Variants in ITGAV observed in about 807,000 individuals in gnomAD.
ITGAV encodes the protein integrin alpha-V.
In ITGAV, 76 loss-of-function variants were observed where a neutral mutation model predicts 143.8. The ratio of observed to expected loss-of-function variants is 0.53; its 90% confidence interval spans 0.44 to 0.64. The LOEUF (loss-of-function observed/expected upper bound fraction) is 0.64, where lower values mean the gene tolerates loss of function less well. Among genes scored for constraint, ITGAV ranks in the 30% least tolerant of loss-of-function variants. The probability of loss-of-function intolerance (pLI) is 0.00; values close to 1 mark genes in which losing one functional copy is unlikely to be tolerated. For missense variants in ITGAV, 1,193 were observed against 1,274.7 expected (o/e 0.94, Z 0.98); for synonymous variants, 453 against 446.7 (o/e 1.01, Z -0.18).
intron 8 of ITGAV, 60 bp from the exon 9 acceptor site, chr2:186,638,217 G>C: frequency 6.9e-7 from 1 of 1,457,764 alleles, no homozygotes; most frequent in Non-Finnish European, 9.6e-7. Context: ...AGTCACTTCT[G>C]GTCTGCAACT....
intron 15 of ITGAV, among the ~76,000 whole-genome samples, chr2:186,652,904 G>C (rs967528072): frequency 6.9e-6 from 1 of 144,226 alleles, no homozygotes; most frequent in Non-Finnish European, 1.5e-5. Context: ...TGCTACTTCA[G>C]TAATTTTTGC....
intron 12 of ITGAV, among the ~76,000 whole-genome samples, chr2:186,642,691 A>C (rs896792935): frequency 2.2e-5 from 3 of 139,014 alleles, no homozygotes; most frequent in African/African-American, 7.7e-5. Flanking sequence ...CCCACCACCT[A>C]GCCCAGCTTA....
chr2:186,643,892 G>T (rs1365943472), intron 12 of ITGAV, among the ~76,000 whole-genome samples: 1 of 152,196 alleles, frequency 6.6e-6, no homozygotes, highest in Admixed American at 6.5e-5. Context: ...TTATTAAACA[G>T]TCACTCAACG....
At position 186,666,800 on chromosome 2, in the gene ITGAV, T is replaced by C. The variant is rs1307252338; in HGVS notation, c.2246+17T>C. On this transcript the variant is annotated intron_variant, in intron 22 of 29. Transcript: ENST00000261023. ...AATCCAAAGGTATGAAAACAACTTA[T>C]ATTCACTTATAACTATCAAATAAAT... 2 of 1,315,480 alleles carry C rather than the reference T, an allele frequency of 1.5e-6. No homozygotes were observed. Among genetic ancestry groups the C allele is most frequent in the East Asian group, 2.3e-5 (1 of 42,726 alleles). 81.5% of individuals were successfully genotyped at this position (1,315,480 alleles called of 1,614,324 possible).
chr2:186,657,597 A>G (rs1204637935), intron 17 of ITGAV, among the ~76,000 whole-genome samples: 3 of 152,242 alleles, frequency 2.0e-5, no homozygotes, highest in African/African-American at 7.2e-5. Flanking sequence ...AGATAAATGT[A>G]TAGCCTTAAA....
At chr2:186,638,631 CGTGTGTGTGT>C (rs34535817) in intron 10 of ITGAV, among the ~76,000 whole-genome samples, 166 bp downstream of exon 10, 1,634 of 144,786 alleles carry the variant, frequency 0.011, 19 homozygotes, top group African/African-American at 0.031. Context: ...CTCTTTTGAG[CGTGTGTGTGT>C]GTGTGTGTGT....
chr2:186,637,405 AG>A (rs1404011410), intron 8 of ITGAV, among the ~76,000 whole-genome samples: 2 of 150,468 alleles, frequency 1.3e-5, no homozygotes, highest in African/African-American at 4.9e-5. Context: ...TCCAGAGCCC[AG>A]GGAGGTTGAG....
intron 2 of ITGAV, among the ~76,000 whole-genome samples, chr2:186,614,994 G>T (rs927315679): frequency 6.6e-6 from 1 of 151,972 alleles, no homozygotes; most frequent in African/African-American, 2.4e-5. Flanking sequence ...AAAGAAATGT[G>T]TCCAACATCA....
intron 2 of ITGAV, among the ~76,000 whole-genome samples, chr2:186,615,440 G>T (rs912123485): frequency 6.6e-6 from 1 of 152,104 alleles, no homozygotes; most frequent in East Asian, 1.9e-4. Flanking sequence ...GAGGGTTTCA[G>T]TGTCTCCGTA....
Position 186,590,067 on chromosome 2 carries a change from T to A in ITGAV, c.-272T>A, listed in dbSNP as rs1010475785. ...GCGCTCACCCCGGCAGTCCCCAGCC[T>A]CAGACGCTGCGTGGAGCGGCGGAGC... is the stretch of plus-strand genomic sequence containing the variant. On this transcript the variant is annotated 5_prime_UTR_variant, in exon 1 of 30. Coordinates refer to ENST00000261023, the MANE Select transcript of ITGAV (RefSeq NM_002210.5). 2 of 373,286 alleles carry A rather than the reference T, an allele frequency of 5.4e-6. No homozygotes were observed. Among genetic ancestry groups the A allele is most frequent in the Non-Finnish European group, 9.4e-6 (2 of 212,174 alleles). 23.1% of individuals were successfully genotyped at this position (373,286 alleles called of 1,614,324 possible).
rs1313799706 is a variant in ITGAV at position 186,679,700 on chromosome 2, GA to G, written c.*2409del. The G allele has an allele frequency of 6.6e-6, 1 of 151,904 alleles. No homozygotes were observed. Among genetic ancestry groups the G allele is most frequent in the African/African-American group, 2.4e-5 (1 of 41,404 alleles). The allele number at this position is 151,904 out of a possible 1,614,324, so 9.4% of individuals were successfully genotyped here. ...ACATTTGACATTGGTAAGAAATATT[GA>G]TACTGATATTGATTTTTATATAGGT... On this transcript the variant is annotated 3_prime_UTR_variant, in exon 30 of 30. Coordinates refer to ENST00000261023, the MANE Select transcript of ITGAV (RefSeq NM_002210.5).
Position 186,646,691 on chromosome 2 carries a change from G to C in ITGAV, c.1165G>C (p.Ala389Pro). ...DLDQDGFNDI[A>P]IAAPYGGEDK... The stretch of plus-strand genomic sequence containing the variant: ...TCCTCTTTTTTTCCCCACAGATATT[G>C]CAATTGCTGCTCCATATGGGGGTGA... Residue 389 changes from alanine (A) to proline (P), a missense_variant, in exon 13 of 30, where the codon GCA becomes CCA. By Grantham distance (27) the Ala-to-Pro change is conservative. Transcript: ENST00000261023. 1 of 1,550,596 alleles carries C rather than the reference G, an allele frequency of 6.4e-7. No individual in the cohort carries two copies. The highest frequency in any genetic ancestry group is 8.8e-7 in the Non-Finnish European group (1 of 1,138,716).
chr2:186,648,462 A>G (rs980373509), intron 13 of ITGAV, among the ~76,000 whole-genome samples: 4 of 152,126 alleles, frequency 2.6e-5, no homozygotes, highest in African/African-American at 9.7e-5. Context: ...GAAATAAGGC[A>G]TGAGTTTGAT....
intron 1 of ITGAV, among the ~76,000 whole-genome samples, chr2:186,593,461 G>GTT (rs61142253): frequency 2.9e-4 from 43 of 150,662 alleles, no homozygotes; most frequent in South Asian, 6.3e-4. Context: ...TTCGCATTCT[G>GTT]TTTTTTTTTC....
chr2:186,602,075 T>C lies in ITGAV; in HGVS notation c.240T>C (p.Ile80=). ...APKANTTQPG[I]VEGGQVLKCD... ...AAGCAAACACCACCCAGCCTGGGAT[T>C]GTGGAAGGAGGGCAGGTCCTCAAAT... is the stretch of plus-strand genomic sequence containing the variant. The change falls in exon 2 of 30, where the codon ATT becomes ATC. Residue 80 remains isoleucine (I), a synonymous_variant. Transcript: ENST00000261023. 9.3e-6 allele frequency: 15 copies of C among 1,613,518 alleles called. No individual in the cohort carries two copies. Among genetic ancestry groups the C allele is most frequent in the Non-Finnish European group, 1.3e-5 (15 of 1,179,636 alleles).
chr2:186,625,678 TGAGA>T (rs1553501192), intron 4 of ITGAV, 91 bp downstream of exon 4: 117,667 of 452,990 alleles, frequency 0.26, 14,303 homozygotes, highest in Middle Eastern at 0.37. Flanking sequence ...TGTGTGTGTG[TGAGA>T]GAGAGAGATA....
At chr2:186,630,500 A>C in intron 4 of ITGAV, among the ~76,000 whole-genome samples, 1 of 152,058 alleles carries the variant, frequency 6.6e-6, no homozygotes, top group Non-Finnish European at 1.5e-5. Flanking sequence ...GATATAAATT[A>C]TAATCTTTTT....
At chr2:186,614,272 G>A (rs896767598) in intron 2 of ITGAV, among the ~76,000 whole-genome samples, 1 of 151,982 alleles carries the variant, frequency 6.6e-6, no homozygotes, top group Non-Finnish European at 1.5e-5. Flanking sequence ...TTTTGTGTGT[G>A]TATTTGTGCA....
In ITGAV at chr2:186,590,952, C is replaced by G. The variant is rs544874470; in HGVS notation, c.185+429C>G. Reference sequence around the variant, plus strand: ...TTTTCTGCTTTACAGGCTTAACGCCCGTCCTTTTCAGTCTCCCTAAACAAG... The same window carrying G: ...TTTTCTGCTTTACAGGCTTAACGCCGGTCCTTTTCAGTCTCCCTAAACAAG... On this transcript the variant is annotated intron_variant, in intron 1 of 29. Coordinates refer to ENST00000261023, the MANE Select transcript of ITGAV (RefSeq NM_002210.5). Among the ~76,000 whole-genome samples, 21 of 152,030 alleles carry G rather than the reference C, an allele frequency of 1.4e-4. 1 individual carries two copies. Among genetic ancestry groups the G allele is most frequent in the Admixed American group, 1.0e-3 (16 of 15,278 alleles).
Sources: gnomAD v4.1 joint callset for allele counts (sites outside exome capture counted in the v4.1 genomes callset) on GRCh38, gnomAD v4.1.1 for gene constraint, MANE v1.5 for transcripts, NCBI Gene and HGNC (gene_info 2026-07-23, HGNC 2026-07-21) for gene names.